The following EFCAB5 variants were observed in gnomAD, a reference collection of about 807,000 sequenced individuals.
EFCAB5 encodes EF-hand calcium binding domain 5, also known as EF-hand calcium-binding domain-containing protein 5.
Under a neutral mutation model 167.9 loss-of-function variants are expected in EFCAB5, and 131 were observed. That is an observed-to-expected ratio of 0.78 (90% CI 0.68 to 0.90). The LOEUF (loss-of-function observed/expected upper bound fraction) is 0.90, where lower values mean the gene tolerates loss of function less well. Among genes scored for constraint, EFCAB5 ranks in the 40% least tolerant of loss-of-function variants. The pLI is 0.00. For synonymous variants in EFCAB5, 574 were observed against 602.8 expected, an observed-to-expected ratio of 0.95 and a Z score of 0.70; for missense variants, 1,663 against 1,745.2, an observed-to-expected ratio of 0.95 and a Z score of 0.84.
At chr17:30,032,351 C>T (rs564352982) in intron 7 of EFCAB5, among the ~76,000 whole-genome samples, 1 of 152,170 alleles carries the variant, frequency 6.6e-6, no homozygotes, top group African/African-American at 2.4e-5. Context: ...ATCTGGCCAC[C>T]CCAAAACTCT....
Position 29,956,420 on chromosome 17 carries a change from G to A in EFCAB5, c.191-12371G>A, listed in dbSNP as rs184342309. On this transcript the variant is annotated intron_variant, in intron 3 of 22. Coordinates refer to ENST00000394835, the MANE Select transcript of EFCAB5 (RefSeq NM_198529.4). The stretch of plus-strand genomic sequence containing the variant: ...GATGTACAGAAAACAGAAGTGAAGT[G>A]CAGAAACAGCTAGATTGGTTACAAC... Among the ~76,000 whole-genome samples the A allele has an allele frequency of 1.9e-3, 282 of 152,340 alleles. 2 individuals carry two copies. The highest frequency in any genetic ancestry group is 6.5e-3 in the African/African-American group (269 of 41,578).
chr17:30,068,964 A>G lies in EFCAB5; in HGVS notation c.2738-9251A>G, dbSNP rs571658141. ...TGAGGACCTGTTCAGAAGCAATTCA[A>G]CAACTACGAACAGAAGCTCACAAGG... On this transcript the variant is annotated intron_variant, in intron 14 of 22. Transcript: ENST00000394835. 6 of 1,498,936 alleles carry G rather than the reference A, an allele frequency of 4.0e-6. No homozygotes were observed. The African/African-American group carries it at 8.3e-5, about 21-fold the overall frequency. The allele number at this position is 1,498,936 out of a possible 1,614,324, so 92.9% of individuals were successfully genotyped here.
At chr17:30,028,479 AGG>A (rs2069390664) in intron 7 of EFCAB5, among the ~76,000 whole-genome samples, 1 of 152,186 alleles carries the variant, frequency 6.6e-6, no homozygotes, top group Non-Finnish European at 1.5e-5. Context: ...GGCGAGGTTG[AGG>A]CAAGTATGTT....
At chr17:29,969,895 AT>A (rs1463096973) in intron 4 of EFCAB5, among the ~76,000 whole-genome samples, 1 of 152,168 alleles carries the variant, frequency 6.6e-6, no homozygotes, top group African/African-American at 2.4e-5. Flanking sequence ...ACACAAAAGC[AT>A]GTGATACATG....
At chr17:30,064,528 T>C (rs1173661497) in intron 14 of EFCAB5, among the ~76,000 whole-genome samples, 7 of 152,102 alleles carry the variant, frequency 4.6e-5, no homozygotes, top group Non-Finnish European at 8.8e-5. Flanking sequence ...ATTATCACTA[T>C]TAAGTGAACA....
At chr17:30,068,999 C>G (rs1280787445) in intron 14 of EFCAB5, 1 of 1,437,340 alleles carries the variant, frequency 7.0e-7, no homozygotes, top group African/African-American at 1.4e-5. Flanking sequence ...GAGATACATT[C>G]CCAGCAAGTG....
In EFCAB5 at chr17:30,108,109, T is replaced by G; in HGVS notation, c.*85T>G. 1 of 1,425,088 alleles carries G rather than the reference T, an allele frequency of 7.0e-7. No homozygotes were observed. Among genetic ancestry groups the G allele is most frequent in the Non-Finnish European group, 9.5e-7 (1 of 1,055,468 alleles). The allele number at this position is 1,425,088 out of a possible 1,614,324, so 88.3% of individuals were successfully genotyped here. On this transcript the variant is annotated 3_prime_UTR_variant, in exon 23 of 23. Coordinates refer to ENST00000394835, the MANE Select transcript of EFCAB5 (RefSeq NM_198529.4). ...TTTGTTAACTATAAAATATTTTCCATTGGAAAGGGGTACCTATAAATGTCT... is the reference window on the plus strand; with the variant it reads ...TTTGTTAACTATAAAATATTTTCCAGTGGAAAGGGGTACCTATAAATGTCT...
intron 3 of EFCAB5, among the ~76,000 whole-genome samples, chr17:29,949,339 T>G (rs189748993): frequency 6.6e-6 from 1 of 152,328 alleles, no homozygotes; most frequent in Admixed American, 6.5e-5. Context: ...AGTGCCTGGA[T>G]AGTTCTTTTT....
chr17:30,005,014 T>C (rs2068746717), intron 7 of EFCAB5, among the ~76,000 whole-genome samples: 1 of 152,060 alleles, frequency 6.6e-6, no homozygotes, highest in South Asian at 2.1e-4. Flanking sequence ...TCACCCAGTC[T>C]ATGGTATTTT....
chr17:30,048,313 A>G (rs746999957), intron 8 of EFCAB5, among the ~76,000 whole-genome samples: 33 of 151,802 alleles, frequency 2.2e-4, no homozygotes, highest in Non-Finnish European at 1.9e-4. Context: ...GGTAACAGAA[A>G]CTCCTGAACT....
Position 29,941,673 on chromosome 17 carries a change from T to G in EFCAB5, c.-124T>G. ...TTGTGGGGTGAGGTGAGGGCAGGAG[T>G]GAGGGAGCTTTTTTAACTTCTGGAG... On this transcript the variant is annotated 5_prime_UTR_variant, in exon 1 of 23. Transcript: ENST00000394835. 1.3e-6 allele frequency: 1 copy of G among 752,470 alleles called. No individual in the cohort carries two copies. The highest frequency in any genetic ancestry group is 1.9e-5 in the South Asian group (1 of 51,444). The allele number at this position is 752,470 out of a possible 1,614,324, so 46.6% of individuals were successfully genotyped here.
intron 3 of EFCAB5, among the ~76,000 whole-genome samples, chr17:29,962,526 A>G (rs1014479493): frequency 1.3e-5 from 2 of 151,606 alleles, no homozygotes; most frequent in African/African-American, 4.9e-5. Context: ...ATTGGACTGC[A>G]GTGATGTAAT....
intron 4 of EFCAB5, among the ~76,000 whole-genome samples, chr17:29,982,025 G>A (rs1324139687): frequency 6.6e-6 from 1 of 152,124 alleles, no homozygotes; most frequent in Non-Finnish European, 1.5e-5. Flanking sequence ...AATTGAATAA[G>A]CAAAGAGAAA....
intron 14 of EFCAB5, among the ~76,000 whole-genome samples, chr17:30,068,380 C>A (rs1470375991): frequency 5.3e-5 from 8 of 151,090 alleles, no homozygotes; most frequent in Non-Finnish European, 2.9e-5. Flanking sequence ...TAAAAAGTAA[C>A]CCCATTTACA....
intron 4 of EFCAB5, among the ~76,000 whole-genome samples, chr17:29,979,466 G>A (rs2068128158): frequency 6.6e-6 from 1 of 152,182 alleles, no homozygotes; most frequent in South Asian, 2.1e-4. Flanking sequence ...TGGCCAGATA[G>A]GCTGCATTAT....
chr17:30,014,223 C>A (rs939510117), intron 7 of EFCAB5, among the ~76,000 whole-genome samples: 5 of 152,126 alleles, frequency 3.3e-5, no homozygotes, highest in Admixed American at 6.5e-5. Context: ...TTACTTCCAA[C>A]TGTGTGGTCA....
chr17:30,080,198 T>G lies in EFCAB5; in HGVS notation c.3154T>G (p.Phe1052Val). 6.2e-7 allele frequency: 1 copy of G among 1,613,422 alleles called. No individual in the cohort carries two copies. Among genetic ancestry groups the G allele is most frequent in the Non-Finnish European group, 8.5e-7 (1 of 1,179,672 alleles). Residue 1052 changes from phenylalanine to valine, a missense_variant, in exon 16 of 23, where the codon TTT becomes GTT. Phe to Val is a conservative substitution (Grantham distance 50, BLOSUM62 -1). Transcript: ENST00000394835. Reference sequence around the variant, plus strand: ...GGCTTGTACCTTAGATGATGCTCAATTTGTACTGAACAGAGTGCTCTACAG... The same window carrying G: ...GGCTTGTACCTTAGATGATGCTCAAGTTGTACTGAACAGAGTGCTCTACAG... ...NVACTLDDAQ[F>V]VLNRVLYRDM...
At chr17:30,105,403 C>T (rs1429313694) in intron 22 of EFCAB5, among the ~76,000 whole-genome samples, 1 of 152,164 alleles carries the variant, frequency 6.6e-6, no homozygotes, top group Non-Finnish European at 1.5e-5. Context: ...AGGAAAATCG[C>T]TTGAACCCAG....
chr17:30,060,279 C>G (rs1192523683), intron 14 of EFCAB5, among the ~76,000 whole-genome samples: 7 of 151,976 alleles, frequency 4.6e-5, no homozygotes, highest in Non-Finnish European at 2.9e-5. Context: ...CACAGTTCTG[C>G]TTGTTCTCTC....
Sources: allele counts gnomAD v4.1 joint callset (sites outside exome capture counted in the v4.1 genomes callset), GRCh38; gene constraint gnomAD v4.1.1; transcripts MANE v1.5; gene names NCBI Gene and HGNC (gene_info 2026-07-23, HGNC 2026-07-21).